Variants in FAM193A observed in about 807,000 individuals in gnomAD.
The protein encoded by FAM193A is protein FAM193A.
FAM193A carries 22 observed loss-of-function variants against 126.5 expected under a neutral mutation model. The ratio of observed to expected loss-of-function variants is 0.17; its 90% confidence interval spans 0.12 to 0.25. The LOEUF (loss-of-function observed/expected upper bound fraction) is 0.25. Ranked by LOEUF, FAM193A falls within the 10% of genes least tolerant of loss-of-function variation. The pLI, the probability that FAM193A is intolerant of heterozygous loss-of-function variation, is 1.00. For missense variants in FAM193A, 1,675 were observed against 1,672.8 expected (o/e 1.00, Z -0.02); for synonymous variants, 761 against 646.8 (o/e 1.18, Z -2.68).
chr4:2,663,978 T>TAAC, intron 12 of FAM193A, among the ~76,000 whole-genome samples: 1 of 152,212 alleles, frequency 6.6e-6, no homozygotes, highest in African/African-American at 2.4e-5. Flanking sequence ...AAAATAATAA[T>TAAC]AACAACAATA....
intron 20 of FAM193A, among the ~76,000 whole-genome samples, chr4:2,717,545 G>A (rs937027917): frequency 6.8e-6 from 1 of 146,430 alleles, no homozygotes; most frequent in Non-Finnish European, 1.5e-5. Flanking sequence ...GCAGTGAGCC[G>A]ACATAGCACC....
intron 1 of FAM193A, among the ~76,000 whole-genome samples, chr4:2,564,664 A>G (rs962220831): frequency 2.0e-5 from 3 of 152,190 alleles, no homozygotes; most frequent in Non-Finnish European, 4.4e-5. Context: ...TGGCAACAAA[A>G]GAAATATATT....
At chr4:2,623,897 A>T (rs1742711042) in intron 2 of FAM193A, among the ~76,000 whole-genome samples, 1 of 151,756 alleles carries the variant, frequency 6.6e-6, no homozygotes, top group Non-Finnish European at 1.5e-5. Context: ...GGTCAGGGGG[A>T]TGCAATGATT....
At chr4:2,704,525 A>C (rs1304363268) in intron 19 of FAM193A, among the ~76,000 whole-genome samples, 10 of 151,436 alleles carry the variant, frequency 6.6e-5, no homozygotes, top group African/African-American at 2.2e-4. Context: ...AGATCACGCC[A>C]CTGCATTCCA....
chr4:2,686,357 C>T (rs766760296), intron 13 of FAM193A, among the ~76,000 whole-genome samples: 2 of 152,132 alleles, frequency 1.3e-5, no homozygotes, highest in Non-Finnish European at 2.9e-5. Flanking sequence ...ACTTATTGAA[C>T]ACCCAATATG....
intron 7 of FAM193A, among the ~76,000 whole-genome samples, chr4:2,656,028 C>A (rs1402490458): frequency 2.6e-5 from 4 of 152,152 alleles, no homozygotes; most frequent in African/African-American, 9.7e-5. Flanking sequence ...CTCAAGTGAT[C>A]CTCCTGCTTT....
intron 1 of FAM193A, among the ~76,000 whole-genome samples, chr4:2,578,130 A>C (rs775794199): frequency 6.6e-6 from 1 of 152,148 alleles, no homozygotes; most frequent in Non-Finnish European, 1.5e-5. Flanking sequence ...CCAGTGATGC[A>C]GTGAAGCTCA....
intron 20 of FAM193A, among the ~76,000 whole-genome samples, chr4:2,721,180 G>A (rs1321590863): frequency 2.0e-5 from 3 of 151,954 alleles, no homozygotes; most frequent in African/African-American, 7.3e-5. Flanking sequence ...AGGCGTGGTG[G>A]CGGGCACCTG....
intron 2 of FAM193A, among the ~76,000 whole-genome samples, chr4:2,601,851 A>T (rs899649406): frequency 1.3e-5 from 2 of 151,414 alleles, no homozygotes; most frequent in Admixed American, 1.3e-4. Flanking sequence ...TATTATTATT[A>T]TTTTTAAGAT....
At chr4:2,549,572 A>G (rs1204504098) in intron 1 of FAM193A, among the ~76,000 whole-genome samples, 1 of 146,492 alleles carries the variant, frequency 6.8e-6, no homozygotes, top group Admixed American at 6.8e-5. Context: ...AATTTTTTGT[A>G]TTTTTAGTAG....
intron 19 of FAM193A, among the ~76,000 whole-genome samples, chr4:2,707,748 C>T (rs1718470167): frequency 6.8e-6 from 1 of 148,086 alleles, no homozygotes. Flanking sequence ...AGTCTCACTC[C>T]ATCACCCAGG....
intron 20 of FAM193A, among the ~76,000 whole-genome samples, chr4:2,727,443 G>A (rs1720886290): frequency 6.6e-6 from 1 of 152,116 alleles, no homozygotes; most frequent in Non-Finnish European, 1.5e-5. Flanking sequence ...CTGTCATCCA[G>A]GGAATTAGCA....
chr4:2,688,499 G>A (rs190933164), intron 13 of FAM193A, among the ~76,000 whole-genome samples: 1 of 152,168 alleles, frequency 6.6e-6, no homozygotes, highest in Admixed American at 6.5e-5. Context: ...GGGCCAAGAA[G>A]GTGAATAGGC....
At chr4:2,608,724 A>G (rs559251085) in intron 2 of FAM193A, among the ~76,000 whole-genome samples, 1 of 152,128 alleles carries the variant, frequency 6.6e-6, no homozygotes, top group South Asian at 2.1e-4. Context: ...CAGAGAAGAG[A>G]GGTGGGATGG....
rs1327094793 is a variant in FAM193A at position 2,713,108 on chromosome 4, A to G, written c.4373-2915A>G. 2.0e-5 allele frequency among the ~76,000 whole-genome samples: 3 copies of G among 148,056 alleles called. No individual in the cohort carries two copies. The East Asian group carries it at 6.0e-4, about 29-fold the overall frequency. ...CGACAGAGCTAGACTCTGCTTCAAA[A>G]AAAAAAAAAAAAAATTGTCCAGGTG... On this transcript the variant is annotated intron_variant, in intron 19 of 20. Coordinates refer to ENST00000637812, the MANE Select transcript of FAM193A (RefSeq NM_001366318.2).
chr4:2,678,132 C>T (rs993871804), intron 13 of FAM193A, among the ~76,000 whole-genome samples: 3 of 151,580 alleles, frequency 2.0e-5, no homozygotes, highest in Non-Finnish European at 4.4e-5. Flanking sequence ...CGTACAGGCA[C>T]GTGCCACCAC....
Position 2,686,002 on chromosome 4 carries a change from T to A in FAM193A, c.2332-3504T>A, listed in dbSNP as rs368624692. Among the ~76,000 whole-genome samples the A allele has an allele frequency of 5.1e-4, 77 of 152,344 alleles. 2 individuals carry two copies. The South Asian group carries it at 0.014, about 27-fold the overall frequency. On this transcript the variant is annotated intron_variant, in intron 13 of 20. Transcript: ENST00000637812. The stretch of plus-strand genomic sequence containing the variant: ...AAATTGGTGTTCTGATTCAATAGCG[T>A]AGTCCACGTTCTGAGAGAGTTACTT...
intron 6 of FAM193A, among the ~76,000 whole-genome samples, chr4:2,641,141 A>G (rs980899517): frequency 2.0e-5 from 3 of 151,440 alleles, no homozygotes; most frequent in African/African-American, 7.3e-5. Context: ...CCCAGGTTCA[A>G]GCGATTCTCC....
chr4:2,537,345 G>A (rs1736941502), intron 1 of FAM193A, among the ~76,000 whole-genome samples, 175 bp downstream of exon 1: 1 of 152,174 alleles, frequency 6.6e-6, no homozygotes, highest in Non-Finnish European at 1.5e-5. Flanking sequence ...CAGGGCGGCA[G>A]GTGGGCCGTG....
Sources: allele counts gnomAD v4.1 joint callset (sites outside exome capture counted in the v4.1 genomes callset), GRCh38; gene constraint gnomAD v4.1.1; transcripts MANE v1.5; gene names NCBI Gene and HGNC (gene_info 2026-07-23, HGNC 2026-07-21).